The following ANO2 variants were observed in gnomAD, a reference collection of about 807,000 sequenced individuals.
ANO2 encodes the protein anoctamin 2.
Under a neutral mutation model 124.2 loss-of-function variants are expected in ANO2, and 101 were observed. The observed-to-expected ratio is 0.81, with a 90% confidence interval of 0.69 to 0.96. The LOEUF (loss-of-function observed/expected upper bound fraction) is 0.96. Ranked by LOEUF, ANO2 falls within the 40% of genes least tolerant of loss-of-function variation. The pLI, the probability that ANO2 is intolerant of heterozygous loss-of-function variation, is 0.00. For synonymous variants in ANO2, 486 were observed against 482.5 expected, an observed-to-expected ratio of 1.01 and a Z score of -0.09; for missense variants, 1,293 against 1,274.5, an observed-to-expected ratio of 1.01 and a Z score of -0.22.
chr12:5,713,640 C>T (rs1442000320), intron 14 of ANO2, among the ~76,000 whole-genome samples: 3 of 152,268 alleles, frequency 2.0e-5, no homozygotes, highest in Non-Finnish European at 4.4e-5. Context: ...GAAAGCTGGA[C>T]GATGACACAC....
chr12:5,897,201 T>C (rs757023904), intron 3 of ANO2, among the ~76,000 whole-genome samples: 2 of 151,932 alleles, frequency 1.3e-5, no homozygotes, highest in Non-Finnish European at 2.9e-5. Context: ...CAAGAAGACT[T>C]AGAGGAAGCA....
chr12:5,939,042 C>T lies in ANO2; in HGVS notation c.22+6154G>A, dbSNP rs540344377. Among the ~76,000 whole-genome samples, 17 of 151,188 alleles carry T rather than the reference C, an allele frequency of 1.1e-4. 1 individual carries two copies. In the South Asian group the frequency reaches 3.6e-3, roughly 32 times the overall value. On this transcript the variant is annotated intron_variant, in intron 1 of 24. Coordinates refer to ENST00000682330, the MANE Select transcript of ANO2 (RefSeq NM_001364791.2). ...GACCATCCTGGCCAAGAGAGTAAAA[C>T]CCCGTCTCTACTAAAAATACAAAAA...
At chr12:5,943,164 T>A (rs1942959297) in intron 1 of ANO2, among the ~76,000 whole-genome samples, 1 of 152,100 alleles carries the variant, frequency 6.6e-6, no homozygotes, top group African/African-American at 2.4e-5. Flanking sequence ...CACATGCACA[T>A]GTATGTTTAT....
At chr12:5,888,562 C>A (rs543661896) in intron 3 of ANO2, among the ~76,000 whole-genome samples, 1 of 152,198 alleles carries the variant, frequency 6.6e-6, no homozygotes, top group Non-Finnish European at 1.5e-5. Context: ...GTTTACAATC[C>A]CTGAGCTAGA....
chr12:5,882,692 CA>C (rs1938584484), intron 3 of ANO2, among the ~76,000 whole-genome samples: 1 of 152,136 alleles, frequency 6.6e-6, no homozygotes, highest in South Asian at 2.1e-4. Context: ...TAGGAGGGAG[CA>C]AAAGGAATGG....
chr12:5,892,036 C>T (rs1565754956), intron 3 of ANO2, among the ~76,000 whole-genome samples: 1 of 151,260 alleles, frequency 6.6e-6, no homozygotes, highest in Non-Finnish European at 1.5e-5. Context: ...AGAGCAAACA[C>T]TCTTGAAATG....
At chr12:5,882,818 C>A (rs1293126258) in intron 3 of ANO2, among the ~76,000 whole-genome samples, 7 of 152,162 alleles carry the variant, frequency 4.6e-5, no homozygotes, top group Non-Finnish European at 8.8e-5. Flanking sequence ...AGATCTTGAT[C>A]AAACTGGGGC....
chr12:5,688,222 C>A (rs1171731279), intron 14 of ANO2, among the ~76,000 whole-genome samples: 1 of 152,140 alleles, frequency 6.6e-6, no homozygotes, highest in Non-Finnish European at 1.5e-5. Flanking sequence ...CTCACCCATT[C>A]TCTTGGGGAA....
chr12:5,630,347 G>C (rs560739422), intron 16 of ANO2, among the ~76,000 whole-genome samples: 1 of 152,328 alleles, frequency 6.6e-6, no homozygotes, highest in South Asian at 2.1e-4. Context: ...CATGGAGCCT[G>C]GGGGAACCCT....
chr12:5,941,581 G>C (rs1156781394), intron 1 of ANO2, among the ~76,000 whole-genome samples: 4 of 151,276 alleles, frequency 2.6e-5, no homozygotes, highest in African/African-American at 9.7e-5. Flanking sequence ...AAAAATAGTT[G>C]AATAAATAGT....
chr12:5,873,083 G>A (rs1345722487), intron 3 of ANO2, among the ~76,000 whole-genome samples: 3 of 152,150 alleles, frequency 2.0e-5, no homozygotes, highest in East Asian at 1.9e-4. Flanking sequence ...CAAGGCTACT[G>A]TAAATCACTA....
chr12:5,933,128 G>C (rs1308069666), intron 1 of ANO2, among the ~76,000 whole-genome samples: 4 of 152,186 alleles, frequency 2.6e-5, no homozygotes, highest in Non-Finnish European at 5.9e-5. Flanking sequence ...GCCCTATCTG[G>C]TGTATAGTGC....
intron 19 of ANO2, among the ~76,000 whole-genome samples, chr12:5,610,127 C>A (rs1477647777): frequency 7.9e-6 from 1 of 126,894 alleles, no homozygotes; most frequent in African/African-American, 3.1e-5. Flanking sequence ...GTATATATTA[C>A]ACATACTTAT....
intron 10 of ANO2, among the ~76,000 whole-genome samples, chr12:5,756,375 T>C (rs1951580469): frequency 6.6e-6 from 1 of 151,898 alleles, no homozygotes; most frequent in Non-Finnish European, 1.5e-5. Context: ...GTTACTGGAG[T>C]CTTTTTCAGC....
intron 13 of ANO2, among the ~76,000 whole-genome samples, chr12:5,734,897 G>A (rs7957438): frequency 6.6e-5 from 10 of 151,994 alleles, no homozygotes; most frequent in Non-Finnish European, 1.2e-4. Flanking sequence ...TGATCCACCC[G>A]CCTCGGCCTC....
intron 1 of ANO2, among the ~76,000 whole-genome samples, chr12:5,930,652 T>C (rs1942324266): frequency 6.6e-6 from 1 of 152,134 alleles, no homozygotes; most frequent in East Asian, 1.9e-4. Context: ...TCAGTTAGAA[T>C]CAACATTTAC....
At chr12:5,899,551 T>C (rs1402693119) in intron 3 of ANO2, among the ~76,000 whole-genome samples, 1 of 152,218 alleles carries the variant, frequency 6.6e-6, no homozygotes, top group Non-Finnish European at 1.5e-5. Flanking sequence ...TCACAACAAT[T>C]TTGTTAATAT....
In ANO2 at chr12:5,603,893, T is replaced by C. The variant is rs560029218; in HGVS notation, c.2088-4264A>G. Among the ~76,000 whole-genome samples the C allele has an allele frequency of 1.2e-3, 150 of 128,092 alleles. 1 individual carries two copies. The highest frequency in any genetic ancestry group is 2.1e-4 in the Non-Finnish European group (14 of 65,130). The allele number at this position is 128,092 out of a possible 152,430, so 84.0% of individuals were successfully genotyped here. A position where few individuals can be genotyped will look rare whatever the true frequency, so the allele number is the denominator to read the frequency against. Reference sequence around the variant, plus strand: ...CCGGGAGGCGGAGGTTGCAGTGAGCTGAGATAGCGCCACTGCAGTCCGTCC... The same window carrying C: ...CCGGGAGGCGGAGGTTGCAGTGAGCCGAGATAGCGCCACTGCAGTCCGTCC... On this transcript the variant is annotated intron_variant, in intron 19 of 24. Transcript: ENST00000682330.
chr12:5,933,828 G>A (rs1000821222), intron 1 of ANO2, among the ~76,000 whole-genome samples: 2 of 152,140 alleles, frequency 1.3e-5, no homozygotes, highest in African/African-American at 4.8e-5. Flanking sequence ...ACTAAGCTAA[G>A]TCATACCCAG....
Sources: gnomAD v4.1 joint callset for allele counts (sites outside exome capture counted in the v4.1 genomes callset) on GRCh38, gnomAD v4.1.1 for gene constraint, MANE v1.5 for transcripts, NCBI Gene and HGNC (gene_info 2026-07-23, HGNC 2026-07-21) for gene names.